The following PKD1L1 variants were observed in gnomAD, a reference collection of about 807,000 sequenced individuals.
PKD1L1 encodes the protein polycystin 1 like 1, transient receptor potential channel interacting.
In PKD1L1, 236 loss-of-function variants were observed where a neutral mutation model predicts 323.4. That is an observed-to-expected ratio of 0.73 (90% CI 0.66 to 0.81). The LOEUF is 0.81. Among genes scored for constraint, PKD1L1 ranks in the 40% least tolerant of loss-of-function variants. The probability of loss-of-function intolerance (pLI) is 0.00; values close to 1 mark genes in which losing one functional copy is unlikely to be tolerated. For missense variants in PKD1L1, 3,320 were observed against 3,508.0 expected (o/e 0.95, Z 1.35); for synonymous variants, 1,344 against 1,335.0 (o/e 1.01, Z -0.15).
At chr7:47,957,774 C>T in the PKD1L1 span, among the ~76,000 whole-genome samples, 1 of 149,242 alleles carries the variant, frequency 6.7e-6, no homozygotes, top group Non-Finnish European at 1.5e-5. Flanking sequence ...GGGATTACAG[C>T]CATAAACCAG....
Position 47,831,258 on chromosome 7 carries a change from A to G in PKD1L1, c.6432T>C (p.Ala2144=). 2 of 1,614,160 alleles carry G rather than the reference A, an allele frequency of 1.2e-6. No homozygotes were observed. The highest frequency in any genetic ancestry group is 2.2e-5 in the East Asian group (1 of 44,884). Residue 2144 remains alanine, a synonymous_variant, in exon 42 of 57, where the codon GCT becomes GCC. Transcript: ENST00000289672. Reference sequence around the variant, plus strand: ...CTGTCCCCAAACTGCAGGCCAAAGAAGCGGTCCCACAAATGGCCCACACTG... The same window carrying G: ...CTGTCCCCAAACTGCAGGCCAAAGAGGCGGTCCCACAAATGGCCCACACTG... The part of the protein sequence containing the change: ...SSAVWAICGT[A]SLACSLGTGF...
At position 47,885,724 on chromosome 7, in the gene PKD1L1, C is replaced by G; in HGVS notation, c.3167G>C (p.Arg1056Thr). 6.2e-7 allele frequency: 1 copy of G among 1,614,044 alleles called. No individual in the cohort carries two copies. The highest frequency in any genetic ancestry group is 2.2e-5 in the East Asian group (1 of 44,874). ...KGSLMTGRSE[R>T]SQPTHSPDPH... ...GTCAGGGCTGTGGGTGGGCTGACTT[C>G]TCTCAGAGCGGCCAGTCATCAGGGA... is the stretch of plus-strand genomic sequence containing the variant. The change falls in exon 18 of 57, where the codon AGA becomes ACA. Residue 1056 changes from arginine (R) to threonine (T), a missense_variant. Arg to Thr is a moderately conservative substitution (Grantham distance 71, BLOSUM62 -1). Transcript: ENST00000289672.
In PKD1L1 at chr7:47,946,499, A is replaced by C. The variant is rs1416882030; in HGVS notation, c.44+1898T>G. Among the ~76,000 whole-genome samples, 3 of 112,046 alleles carry C rather than the reference A, an allele frequency of 2.7e-5. No individual in the cohort carries two copies. The highest frequency in any genetic ancestry group is 6.2e-5 in the Non-Finnish European group (3 of 48,294). 73.5% of individuals were successfully genotyped at this position (112,046 alleles called of 152,430 possible). ...ACACACCACACACCACGCACCACAC[A>C]AACACACCATACACACAAACACCAC... On this transcript the variant is annotated intron_variant, in intron 1 of 56. Coordinates refer to ENST00000289672, the MANE Select transcript of PKD1L1 (RefSeq NM_138295.5). The surrounding 1 kb of genome is among the most constrained non-coding windows in gnomAD (Gnocchi z 4.1).
At chr7:47,944,466 T>C (rs1352029534) in intron 1 of PKD1L1, among the ~76,000 whole-genome samples, 1 of 152,226 alleles carries the variant, frequency 6.6e-6, no homozygotes, top group East Asian at 1.9e-4. Flanking sequence ...AATAGCCTAA[T>C]GCAGATGGGA....
chr7:47,880,854 G>A (rs766358612), intron 20 of PKD1L1, 49 bp from the exon 21 acceptor site: 1 of 1,461,540 alleles, frequency 6.8e-7, no homozygotes. Flanking sequence ...TGGTCTCAAG[G>A]ACAGAGGTCA....
Position 47,796,124 on chromosome 7 carries a change from G to A in PKD1L1, c.8220C>T (p.Pro2740=), listed in dbSNP as rs750883247. 1.0e-5 allele frequency: 16 copies of A among 1,605,678 alleles called. No homozygotes were observed. The highest frequency in any genetic ancestry group is 1.4e-5 in the Non-Finnish European group (16 of 1,176,992). The change falls in exon 55 of 57, where the codon CCC becomes CCT. Residue 2740 remains proline, a synonymous_variant. Coordinates refer to ENST00000289672, the MANE Select transcript of PKD1L1 (RefSeq NM_138295.5). ...TACTTTGAAAAGATTTTCTTTTTTG[G>A]GGTAAAGTCATGAGAAAACCTCTCA... ...GMLRGFLMTL[P]QKRKSFQSKS...
chr7:47,855,415 G>T, intron 28 of PKD1L1, 150 bp from the exon 29 acceptor site: 1 of 527,532 alleles, frequency 1.9e-6, no homozygotes, highest in Admixed American at 3.4e-5. Context: ...AAATAAACCA[G>T]TTTTACTAGT....
intron 34 of PKD1L1, among the ~76,000 whole-genome samples, chr7:47,841,096 TTC>T (rs1411562209): frequency 6.6e-6 from 1 of 152,212 alleles, no homozygotes; most frequent in Non-Finnish European, 1.5e-5. Flanking sequence ...AGAAAGATAT[TTC>T]TGTTTCTGAA....
chr7:47,932,043 G>GT lies in PKD1L1; in HGVS notation c.411dup (p.Pro138ThrfsTer131), dbSNP rs1562996059. On this transcript the variant is annotated frameshift_variant, in exon 5 of 57. Coordinates refer to ENST00000289672, the MANE Select transcript of PKD1L1 (RefSeq NM_138295.5). LOFTEE classifies it high-confidence loss of function. ...CAGGCCCTTGCGATTATAATGAAAGGTTTGTGGGGAATTCTGTATGGGAAG... is the reference window on the plus strand; with the variant it reads ...CAGGCCCTTGCGATTATAATGAAAGGTTTTGTGGGGAATTCTGTATGGGAAG... 3.1e-6 allele frequency: 5 copies of GT among 1,609,704 alleles called. No individual in the cohort carries two copies. Among genetic ancestry groups the GT allele is most frequent in the Non-Finnish European group, 4.2e-6 (5 of 1,178,136 alleles).
Position 47,931,209 on chromosome 7 carries a change from C to G in PKD1L1, c.632G>C (p.Gly211Ala). 2 of 1,614,136 alleles carry G rather than the reference C, an allele frequency of 1.2e-6. No homozygotes were observed. The highest frequency in any genetic ancestry group is 1.7e-6 in the Non-Finnish European group (2 of 1,180,020). ...AEDVATGLLP[G>A]TVTMETPTKV... ...GGTGGGGGTCTCCATCGTGACAGTC[C>G]CAGGAAGCAGCCCCGTGGCCACATC... Residue 211 changes from glycine to alanine, a missense_variant, in exon 6 of 57, where the codon GGG becomes GCG. Transcript: ENST00000289672.
chr7:47,954,447 AGTT>A, the PKD1L1 span, among the ~76,000 whole-genome samples: 4 of 152,124 alleles, frequency 2.6e-5, no homozygotes, highest in Non-Finnish European at 5.9e-5. Context: ...CAGGAGAATG[AGTT>A]GTTATCAAAG....
At chr7:47,811,297 G>A (rs1784888827) in intron 50 of PKD1L1, among the ~76,000 whole-genome samples, 1 of 152,032 alleles carries the variant, frequency 6.6e-6, no homozygotes, top group Admixed American at 6.6e-5. Flanking sequence ...TGGGATTACA[G>A]GTGCATGCCA....
chr7:47,801,939 C>T (rs1562936393), intron 53 of PKD1L1, among the ~76,000 whole-genome samples: 3 of 152,092 alleles, frequency 2.0e-5, no homozygotes. Flanking sequence ...TGCCTGTAAT[C>T]CCAGCACTTT....
intron 4 of PKD1L1, among the ~76,000 whole-genome samples, chr7:47,935,096 C>T (rs888299221): frequency 2.0e-5 from 3 of 152,184 alleles, no homozygotes; most frequent in Non-Finnish European, 2.9e-5. Context: ...ATTCCCGTGG[C>T]GGCACCCAGG....
rs1238182695 is a variant in PKD1L1 at position 47,875,943 on chromosome 7, A to G, written c.3784+154T>C. Among the ~76,000 whole-genome samples the G allele has an allele frequency of 2.6e-5, 4 of 152,258 alleles. No individual in the cohort carries two copies. The East Asian group carries it at 7.7e-4, about 29-fold the overall frequency. Reference sequence around the variant, plus strand: ...TTGATATTACTAATGTTCTTTCTGCACTAAAAGGTAGATAATAAACCTAAA... The same window carrying G: ...TTGATATTACTAATGTTCTTTCTGCGCTAAAAGGTAGATAATAAACCTAAA... On this transcript the variant is annotated intron_variant, in intron 23 of 56. Transcript: ENST00000289672.
At chr7:47,950,848 C>G (rs573561035), upstream of PKD1L1, among the ~76,000 whole-genome samples, 8 of 152,212 alleles carry the variant, frequency 5.3e-5, no homozygotes, top group Admixed American at 6.5e-5. Flanking sequence ...GCAGCCTCGC[C>G]TTTTTCCGGG....
intron 45 of PKD1L1, 117 bp from the exon 46 acceptor site, chr7:47,821,303 C>T: frequency 1.7e-6 from 1 of 588,984 alleles, no homozygotes; most frequent in Non-Finnish European, 2.8e-6. Context: ...GAGTCTCACT[C>T]TGTCACCCAG....
intron 31 of PKD1L1, among the ~76,000 whole-genome samples, chr7:47,849,329 A>G (rs1785730880): frequency 6.6e-6 from 1 of 152,212 alleles, no homozygotes; most frequent in Non-Finnish European, 1.5e-5. Context: ...AAATGCAATG[A>G]AAACAAAAAT....
intron 13 of PKD1L1, among the ~76,000 whole-genome samples, chr7:47,898,513 A>G (rs1458790783): frequency 6.6e-6 from 1 of 152,170 alleles, no homozygotes; most frequent in Non-Finnish European, 1.5e-5. Context: ...AAAAAATTTA[A>G]GCTTCCAAAC....
Sources: gnomAD v4.1 joint callset for allele counts (sites outside exome capture counted in the v4.1 genomes callset) on GRCh38, gnomAD v4.1.1 for gene constraint, Gnocchi (gnomAD v3.1) non-coding constraint, MANE v1.5 for transcripts, NCBI Gene and HGNC (gene_info 2026-07-23, HGNC 2026-07-21) for gene names.